Variants in MBD5 observed in about 807,000 individuals in gnomAD.
The protein encoded by MBD5 is methyl-CpG-binding domain protein 5.
In MBD5, 13 loss-of-function variants were observed where a neutral mutation model predicts 117.3. That is an observed-to-expected ratio of 0.11 (90% CI 0.07 to 0.18). The LOEUF is 0.18. Among genes scored for constraint, MBD5 ranks in the 10% least tolerant of loss-of-function variants. MBD5 has a pLI of 1.00. For synonymous variants in MBD5, 727 were observed against 766.4 expected (o/e 0.95, Z 0.85); for missense variants, 1,879 against 2,093.8 (o/e 0.90, Z 2.00).
At chr2:148,198,119 A>G (rs558550944) in intron 2 of MBD5, among the ~76,000 whole-genome samples, 2 of 152,318 alleles carry the variant, frequency 1.3e-5, no homozygotes, top group East Asian at 1.9e-4. Flanking sequence ...TATGAATGCC[A>G]TAATCAATAC....
chr2:148,372,337 A>G (rs1466307940), intron 4 of MBD5, among the ~76,000 whole-genome samples: 1 of 152,106 alleles, frequency 6.6e-6, no homozygotes, highest in Non-Finnish European at 1.5e-5. Context: ...ATTTTTTCCT[A>G]AGAAAATATT....
intron 2 of MBD5, among the ~76,000 whole-genome samples, chr2:148,232,866 T>C (rs1367068316): frequency 2.0e-5 from 3 of 152,118 alleles, no homozygotes; most frequent in Non-Finnish European, 4.4e-5. Flanking sequence ...GCTTGGTCAT[T>C]ATAGTGCTCT....
intron 1 of MBD5, among the ~76,000 whole-genome samples, chr2:148,112,837 A>T (rs1285522085): frequency 6.6e-6 from 1 of 151,960 alleles, no homozygotes; most frequent in Non-Finnish European, 1.5e-5. Context: ...AAACTCAGGC[A>T]CCTGTTTGAT....
At chr2:148,292,224 T>A (rs1004527958) in intron 3 of MBD5, among the ~76,000 whole-genome samples, 2 of 152,114 alleles carry the variant, frequency 1.3e-5, no homozygotes, top group Admixed American at 6.6e-5. Flanking sequence ...TGGGATCACA[T>A]TAAGTTAAAA....
At position 148,483,088 on chromosome 2, in the gene MBD5, GTTT is replaced by G. The variant is rs5835195; in HGVS notation, c.2519-11_2519-9del. Reference sequence around the variant, plus strand: ...TTCATGATTAATAACTGGGTTTTGTGTTTTTTTTTTTTTCATTTTAGGCGGTTC... The same window carrying G: ...TTCATGATTAATAACTGGGTTTTGTGTTTTTTTTTTCATTTTAGGCGGTTC... On this transcript the variant is annotated intron_variant, in intron 8 of 13. Transcript: ENST00000642680. 2.2e-5 allele frequency: 29 copies of G among 1,339,790 alleles called. No homozygotes were observed. The highest frequency in any genetic ancestry group is 1.9e-4 in the Middle Eastern group (1 of 5,336). The allele number at this position is 1,339,790 out of a possible 1,614,324, so 83.0% of individuals were successfully genotyped here. A position where few individuals can be genotyped will look rare whatever the true frequency, so the allele number is the denominator to read the frequency against.
At chr2:148,427,653 G>A (rs1355685081) in intron 4 of MBD5, among the ~76,000 whole-genome samples, 1 of 152,018 alleles carries the variant, frequency 6.6e-6, no homozygotes, top group Non-Finnish European at 1.5e-5. Context: ...ATGGGGGCAG[G>A]GGGGAGGGAT....
intron 3 of MBD5, among the ~76,000 whole-genome samples, chr2:148,258,819 G>C (rs1366755034): frequency 1.3e-5 from 2 of 152,152 alleles, no homozygotes; most frequent in Non-Finnish European, 2.9e-5. Context: ...TTTCTCCCAT[G>C]GGGGCCCCCC....
At chr2:148,045,173 A>G (rs1295304368) in intron 1 of MBD5, among the ~76,000 whole-genome samples, 1 of 152,230 alleles carries the variant, frequency 6.6e-6, no homozygotes, top group Non-Finnish European at 1.5e-5. Flanking sequence ...ACTGGTACAT[A>G]GTAAATACAT....
At chr2:148,277,083 T>C (rs1701132587) in intron 3 of MBD5, among the ~76,000 whole-genome samples, 2 of 152,172 alleles carry the variant, frequency 1.3e-5, no homozygotes, top group African/African-American at 4.8e-5. Flanking sequence ...TTGTCCACAG[T>C]ATTTATAGAG....
rs1680701533 is a variant in MBD5, at chr2:148,469,181, A to C, written c.1238A>C (p.Lys413Thr). 6.2e-7 allele frequency: 1 copy of C among 1,613,860 alleles called. No homozygotes were observed. The highest frequency in any genetic ancestry group is 8.5e-7 in the Non-Finnish European group (1 of 1,179,960). ...AGTAATCTCCCATTGCCAACTGTAA[A>C]ACCTGGTCACATGAATCATGGGAGT... ...LPSNLPLPTV[K>T]PGHMNHGSHV... The change falls in exon 8 of 14, where the codon AAA becomes ACA. Residue 413 changes from lysine (K) to threonine (T), a missense_variant. Lys to Thr is a moderately conservative substitution (Grantham distance 78). Around this residue, in one of 4 missense-constraint regions of MBD5, gnomAD observed 1,666 missense variants for 1,792.2 expected, o/e 0.93. Coordinates refer to ENST00000642680, the MANE Select transcript of MBD5 (RefSeq NM_001378120.1).
chr2:148,178,306 G>A (rs1248330175), intron 1 of MBD5, among the ~76,000 whole-genome samples: 1 of 152,148 alleles, frequency 6.6e-6, no homozygotes, highest in Non-Finnish European at 1.5e-5. Context: ...CAACTCAAGT[G>A]TAATTAAGAA....
intron 1 of MBD5, among the ~76,000 whole-genome samples, chr2:148,029,812 T>C (rs1693988902): frequency 6.6e-6 from 1 of 152,224 alleles, no homozygotes; most frequent in Non-Finnish European, 1.5e-5. Context: ...CTACACATTC[T>C]TTATGTATGT....
chr2:148,483,327 C>T lies in MBD5; in HGVS notation c.2736C>T (p.His912=), dbSNP rs756653034. The T allele has an allele frequency of 8.1e-6, 13 of 1,614,106 alleles. No homozygotes were observed. Among genetic ancestry groups the T allele is most frequent in the East Asian group, 2.2e-5 (1 of 44,880 alleles). Reference sequence around the variant, plus strand: ...GCACTTCAAACAACCATCTTCCACACCCCTTGAACCCCAGCCTCCTCAGTT... The same window carrying T: ...GCACTTCAAACAACCATCTTCCACATCCCTTGAACCCCAGCCTCCTCAGTT... ...SNSTSNNHLP[H]PLNPSLLSSL... Residue 912 remains histidine, a synonymous_variant, in exon 9 of 14, where the codon CAC becomes CAT. Transcript: ENST00000642680.
intron 7 of MBD5, among the ~76,000 whole-genome samples, chr2:148,464,370 C>T (rs564463145): frequency 1.3e-5 from 2 of 152,252 alleles, no homozygotes; most frequent in African/African-American, 4.8e-5. Flanking sequence ...CCACCACACA[C>T]ACGCATGCAT....
At chr2:148,327,588 C>A (rs1003156127) in intron 3 of MBD5, among the ~76,000 whole-genome samples, 1 of 151,730 alleles carries the variant, frequency 6.6e-6, no homozygotes, top group Non-Finnish European at 1.5e-5. Context: ...TCATTTCATT[C>A]ATTTCATCTT....
At chr2:148,345,254 G>A (rs192018559) in intron 4 of MBD5, among the ~76,000 whole-genome samples, 15 of 148,246 alleles carry the variant, frequency 1.0e-4, no homozygotes, top group Non-Finnish European at 1.5e-4. Context: ...ATACACATGC[G>A]CATATATATT....
chr2:148,508,869 A>G (rs1682125827), intron 12 of MBD5, among the ~76,000 whole-genome samples: 1 of 152,186 alleles, frequency 6.6e-6, no homozygotes, highest in African/African-American at 2.4e-5. Flanking sequence ...AGCACTATAG[A>G]ACTCAGGGGT....
chr2:148,480,242 C>T (rs1017672049), intron 8 of MBD5, among the ~76,000 whole-genome samples: 4 of 152,068 alleles, frequency 2.6e-5, no homozygotes, highest in Non-Finnish European at 5.9e-5. Context: ...CTATACTTCG[C>T]TTCTTCTAAT....
At chr2:148,308,959 G>C (rs1701963240) in intron 3 of MBD5, among the ~76,000 whole-genome samples, 1 of 152,162 alleles carries the variant, frequency 6.6e-6, no homozygotes, top group African/African-American at 2.4e-5. Context: ...AGATCAGATA[G>C]TTGTAGATGT....
Sources: gnomAD v4.1 joint callset for allele counts (sites outside exome capture counted in the v4.1 genomes callset) on GRCh38, gnomAD v4.1.1 for gene constraint, gnomAD v4.1.1 regional missense constraint, MANE v1.5 for transcripts, NCBI Gene and HGNC (gene_info 2026-07-23, HGNC 2026-07-21) for gene names.